NAV3: variants seen among roughly 807,000 people sequenced by gnomAD.
The protein encoded by NAV3 is pore membrane and/or filament interacting like protein 1.
Under a neutral mutation model 244.7 loss-of-function variants are expected in NAV3, and 87 were observed. That is an observed-to-expected ratio of 0.36 (90% CI 0.30 to 0.42). The LOEUF (loss-of-function observed/expected upper bound fraction) is 0.42, where lower values mean the gene tolerates loss of function less well. Among genes scored for constraint, NAV3 ranks in the 20% least tolerant of loss-of-function variants. The pLI is 1.00. For missense variants in NAV3, 2,663 were observed against 2,893.3 expected, an observed-to-expected ratio of 0.92 and a Z score of 1.83; for synonymous variants, 1,126 against 1,042.2, an observed-to-expected ratio of 1.08 and a Z score of -1.55.
chr12:77,881,664 C>G (rs1401957933), intron 1 of NAV3, among the ~76,000 whole-genome samples: 2 of 152,040 alleles, frequency 1.3e-5, no homozygotes, highest in African/African-American at 2.4e-5. Context: ...ATAAGATTTT[C>G]TACCTAGAAA....
At position 77,986,522 on chromosome 12, in the gene NAV3, T is replaced by C. The variant is rs1303774536; in HGVS notation, c.672-8281T>C. Among the ~76,000 whole-genome samples, 7 of 152,230 alleles carry C rather than the reference T, an allele frequency of 4.6e-5. No homozygotes were observed. The East Asian group carries it at 1.4e-3, about 29-fold the overall frequency. On this transcript the variant is annotated intron_variant, in intron 5 of 39. Transcript: ENST00000397909. The stretch of plus-strand genomic sequence containing the variant: ...AATCCAAAGAGCTAAAGTCGATACA[T>C]TATATGAGGTTGAGGTATTAGGTTT...
intron 33 of NAV3, 67 bp from the exon 34 acceptor site, chr12:78,189,917 C>T: frequency 8.4e-7 from 1 of 1,189,746 alleles, no homozygotes; most frequent in Non-Finnish European, 1.2e-6. Context: ...TGCTGTTTAG[C>T]ATGATATTTT....
At chr12:78,033,748 G>A (rs1442466172) in intron 9 of NAV3, among the ~76,000 whole-genome samples, 1 of 152,130 alleles carries the variant, frequency 6.6e-6, no homozygotes, top group Non-Finnish European at 1.5e-5. Flanking sequence ...CCATTGGACT[G>A]AGCCCATCCT....
intron 2 of NAV3, among the ~76,000 whole-genome samples, chr12:77,732,359 C>A (rs1029309141): frequency 6.6e-6 from 1 of 151,874 alleles, no homozygotes; most frequent in Non-Finnish European, 1.5e-5. Flanking sequence ...GGGAAAATTC[C>A]TATACAGAGG....
chr12:77,810,702 A>T (rs898699732), intron 2 of NAV3, among the ~76,000 whole-genome samples: 2 of 152,206 alleles, frequency 1.3e-5, no homozygotes, highest in Admixed American at 1.3e-4. Context: ...TATTTTAGTT[A>T]AAATACTAGC....
intron 1 of NAV3, among the ~76,000 whole-genome samples, chr12:77,871,362 A>G (rs575663529): frequency 1.3e-5 from 2 of 152,298 alleles, no homozygotes; most frequent in South Asian, 2.1e-4. Flanking sequence ...ATAGGTAGAC[A>G]CGTGCCATAA....
At chr12:78,162,884 T>TACATATAATATATATATAAATATATATA (rs1565744064) in intron 23 of NAV3, among the ~76,000 whole-genome samples, 32 of 125,886 alleles carry the variant, frequency 2.5e-4, no homozygotes, top group African/African-American at 9.2e-4. Flanking sequence ...ATATATATAA[T>TACATATAATATATATATAAATATATATA]ATATATAATA....
At chr12:77,704,004 G>T (rs894212593) in intron 2 of NAV3, among the ~76,000 whole-genome samples, 1 of 152,086 alleles carries the variant, frequency 6.6e-6, no homozygotes, top group South Asian at 2.1e-4. Context: ...TAACGCTAGC[G>T]CAAAGAAATG....
intron 3 of NAV3, among the ~76,000 whole-genome samples, chr12:77,959,196 T>C (rs1891643392): frequency 6.6e-6 from 1 of 152,178 alleles, no homozygotes. Context: ...CCTGCAGATT[T>C]GTAATGTATA....
chr12:78,025,799 A>G (rs1021976883), intron 9 of NAV3, among the ~76,000 whole-genome samples: 1 of 151,974 alleles, frequency 6.6e-6, no homozygotes, highest in African/African-American at 2.4e-5. Flanking sequence ...TTTCTTGTTT[A>G]TGCTCTCACC....
At chr12:77,992,247 C>A (rs755894181) in intron 5 of NAV3, among the ~76,000 whole-genome samples, 9 of 152,078 alleles carry the variant, frequency 5.9e-5, no homozygotes, top group Non-Finnish European at 1.2e-4. Context: ...ATAAGCAATA[C>A]AACATTTGAA....
chr12:77,651,891 A>G (rs1217905995), intron 2 of NAV3, among the ~76,000 whole-genome samples: 1 of 152,204 alleles, frequency 6.6e-6, no homozygotes, highest in East Asian at 1.9e-4. Flanking sequence ...AATTTCAGAG[A>G]AAATCTGGTC....
At chr12:77,620,002 C>T (rs1024953880) in intron 2 of NAV3, among the ~76,000 whole-genome samples, 1 of 152,008 alleles carries the variant, frequency 6.6e-6, no homozygotes, top group African/African-American at 2.4e-5. Flanking sequence ...CTTCTATTGA[C>T]CAAATTGCAA....
intron 1 of NAV3, among the ~76,000 whole-genome samples, chr12:77,919,026 A>G (rs566931708): frequency 6.6e-6 from 1 of 152,214 alleles, no homozygotes; most frequent in East Asian, 1.9e-4. Context: ...AAACAAGGAA[A>G]AAGAATGAAG....
chr12:77,919,082 A>G (rs1487690408), intron 1 of NAV3, among the ~76,000 whole-genome samples: 1 of 152,104 alleles, frequency 6.6e-6, no homozygotes, highest in Non-Finnish European at 1.5e-5. Flanking sequence ...ATACTTTTAA[A>G]GAAAACAAGA....
intron 2 of NAV3, among the ~76,000 whole-genome samples, chr12:77,660,683 A>G (rs2137035528): frequency 6.6e-6 from 1 of 152,266 alleles, no homozygotes; most frequent in Admixed American, 6.5e-5. Context: ...ATATATGTAT[A>G]CCATTACTTT....
At position 78,006,725 on chromosome 12, in the gene NAV3, C is replaced by A; in HGVS notation, c.1187C>A (p.Ala396Asp). ...EKFKLVNARTALRPPQPPSSG... is the reference protein window; with the variant it reads ...EKFKLVNARTDLRPPQPPSSG... ...TTCAAGCTAGTCAATGCCCGGACTG[C>A]TTTACGCCCCCCGCAGCCTCCCAGT... Residue 396 changes from alanine to aspartate, a missense_variant, in exon 8 of 40, where the codon GCT (alanine) becomes GAT (aspartate). This residue lies in a region of NAV3 where 1,521 missense variants were observed against 1,497.0 expected (regional missense o/e 1.02). Coordinates refer to ENST00000397909, the MANE Select transcript of NAV3 (RefSeq NM_001024383.2). The A allele has an allele frequency of 6.2e-7, 1 of 1,613,996 alleles. No individual in the cohort carries two copies. The highest frequency in any genetic ancestry group is 8.5e-7 in the Non-Finnish European group (1 of 1,179,986).
At chr12:77,587,110 C>A (rs1411852659) in intron 2 of NAV3, among the ~76,000 whole-genome samples, 1 of 152,070 alleles carries the variant, frequency 6.6e-6, no homozygotes, top group Non-Finnish European at 1.5e-5. Flanking sequence ...ATGAGATAAT[C>A]AGTTTTGCAT....
intron 3 of NAV3, among the ~76,000 whole-genome samples, chr12:77,963,998 C>CTCCCTCCTCCTCCCTCCTCT (rs1892294551): frequency 1.4e-5 from 2 of 146,556 alleles, no homozygotes; most frequent in Admixed American, 6.8e-5. Context: ...CTCCTCCCTC[C>CTCCCTCCTCCTCCCTCCTCT]TCCCTCCTCC....
Sources: allele counts gnomAD v4.1 joint callset (sites outside exome capture counted in the v4.1 genomes callset), GRCh38; gene constraint gnomAD v4.1.1; regional missense constraint gnomAD v4.1.1; transcripts MANE v1.5; gene names NCBI Gene and HGNC (gene_info 2026-07-23, HGNC 2026-07-21).